RPTOR: variants seen among roughly 807,000 people sequenced by gnomAD.
The protein encoded by RPTOR is regulatory associated protein of MTOR complex 1.
In RPTOR, 21 loss-of-function variants were observed where a neutral mutation model predicts 169.9. The observed-to-expected ratio is 0.12, with a 90% CI of 0.09 to 0.18. The LOEUF is 0.18. RPTOR is among the 10% of genes least tolerant of loss of function. RPTOR has a pLI of 1.00. For synonymous variants in RPTOR, 732 were observed against 753.2 expected (o/e 0.97, Z 0.46); for missense variants, 1,133 against 1,855.9 (o/e 0.61, Z 7.16).
chr17:80,964,158 C>A (rs1238236008), intron 33 of RPTOR, 104 bp from the exon 34 acceptor site: 5 of 1,011,706 alleles, frequency 4.9e-6, no homozygotes, highest in African/African-American at 1.6e-5. Flanking sequence ...TTCCTGAGAC[C>A]CCGGCAGGAG....
intron 3 of RPTOR, among the ~76,000 whole-genome samples, chr17:80,669,509 C>T (rs939599737): frequency 1.3e-5 from 2 of 152,208 alleles, no homozygotes; most frequent in Non-Finnish European, 2.9e-5. Flanking sequence ...CTCAGCCTCC[C>T]GGGTAGCTGG....
At chr17:80,958,615 G>A (rs61683736) in intron 29 of RPTOR, among the ~76,000 whole-genome samples, 5,445 of 151,442 alleles carry the variant, frequency 0.036, 319 homozygotes, top group African/African-American at 0.12. Context: ...GGCGTTTCAC[G>A]TGTTAGCCAG....
chr17:80,795,951 C>T (rs1243671921), intron 7 of RPTOR, among the ~76,000 whole-genome samples: 1 of 152,230 alleles, frequency 6.6e-6, no homozygotes, highest in African/African-American at 2.4e-5. Flanking sequence ...TCCTGTAGTT[C>T]TGTAAGCGTC....
intron 4 of RPTOR, among the ~76,000 whole-genome samples, chr17:80,709,776 C>T (rs1398986043): frequency 6.6e-6 from 1 of 152,160 alleles, no homozygotes; most frequent in Non-Finnish European, 1.5e-5. Context: ...ATCGCGCACC[C>T]TGTGTCCGCC....
chr17:80,585,875 A>T (rs2065056348), intron 1 of RPTOR, among the ~76,000 whole-genome samples: 1 of 152,178 alleles, frequency 6.6e-6, no homozygotes, highest in Non-Finnish European at 1.5e-5. Flanking sequence ...AATTTGTAGT[A>T]TTTATGAAAA....
chr17:80,594,282 TG>T (rs1304967097), intron 1 of RPTOR, among the ~76,000 whole-genome samples: 1 of 151,828 alleles, frequency 6.6e-6, no homozygotes, highest in Non-Finnish European at 1.5e-5. Context: ...TGAGTAGAGA[TG>T]GGGTTTCACC....
chr17:80,775,871 A>T (rs7208971), intron 6 of RPTOR, among the ~76,000 whole-genome samples: 41,366 of 152,134 alleles, frequency 0.27, 5,786 homozygotes, highest in African/African-American at 0.33. Context: ...CTTGGAATTA[A>T]ATATATTTTG....
intron 6 of RPTOR, among the ~76,000 whole-genome samples, chr17:80,769,130 T>C (rs555157219): frequency 1.3e-5 from 2 of 151,956 alleles, no homozygotes; most frequent in East Asian, 3.9e-4. Context: ...CATGCCATCA[T>C]GTAGGCCTGT....
At chr17:80,929,319 A>T (rs975901751) in intron 24 of RPTOR, among the ~76,000 whole-genome samples, 2 of 152,260 alleles carry the variant, frequency 1.3e-5, no homozygotes, top group Non-Finnish European at 2.9e-5. Context: ...GGCCAGTTAC[A>T]CAGCAGGCTG....
At chr17:80,779,804 C>T (rs991250751) in intron 6 of RPTOR, among the ~76,000 whole-genome samples, 10 of 152,198 alleles carry the variant, frequency 6.6e-5, no homozygotes, top group African/African-American at 2.4e-4. Context: ...GTGTTTCAAG[C>T]ATGTTGAACA....
chr17:80,826,636 G>A (rs1482320136), intron 9 of RPTOR, among the ~76,000 whole-genome samples: 1 of 152,258 alleles, frequency 6.6e-6, no homozygotes, highest in Non-Finnish European at 1.5e-5. Flanking sequence ...CTGGTCCCTG[G>A]CACCCTTCTG....
rs1160340570 is a variant in RPTOR, at chr17:80,965,513, A to G, written c.*1183A>G. On this transcript the variant is annotated 3_prime_UTR_variant, in exon 34 of 34. Transcript: ENST00000306801. ...GTTTTGCAAACAGAACACAACCACA[A>G]TGATGGTATTTTGAAAAGTGTTCTT... 1.7e-5 allele frequency: 4 copies of G among 233,226 alleles called. No homozygotes were observed. The highest frequency in any genetic ancestry group is 4.4e-5 in the African/African-American group (2 of 45,358). 14.4% of individuals were successfully genotyped at this position (233,226 alleles called of 1,614,324 possible).
intron 1 of RPTOR, among the ~76,000 whole-genome samples, chr17:80,585,170 TTATTATTA>T (rs1304282766): frequency 0.042 from 9 of 212 alleles, no homozygotes; most frequent in Non-Finnish European, 0.071. Context: ...CTTTGGTTTA[TTATTATTA>T]TTATTATTAT....
At chr17:80,887,706 T>A (rs929565326) in intron 17 of RPTOR, among the ~76,000 whole-genome samples, 2 of 152,144 alleles carry the variant, frequency 1.3e-5, no homozygotes, top group African/African-American at 4.8e-5. Flanking sequence ...AAAAGCAACG[T>A]GTACTGGTTA....
At position 80,727,457 on chromosome 17, in the gene RPTOR, C is replaced by T. The variant is rs532607274; in HGVS notation, c.508-3103C>T. Among the ~76,000 whole-genome samples, 43 of 150,804 alleles carry T rather than the reference C, an allele frequency of 2.9e-4. No homozygotes were observed. In the East Asian group the frequency reaches 7.2e-3, roughly 25 times the overall value. On this transcript the variant is annotated intron_variant, in intron 4 of 33. Transcript: ENST00000306801. Reference sequence around the variant, plus strand: ...AACGTGAACACTGCACCTCTGACCACGTCACGCCCCGAGAACGTGGACGCT... The same window carrying T: ...AACGTGAACACTGCACCTCTGACCATGTCACGCCCCGAGAACGTGGACGCT...
chr17:80,574,827 A>ATTTTTTTT lies in RPTOR; in HGVS notation c.162+29046_162+29053dup, dbSNP rs555426915. On this transcript the variant is annotated intron_variant, in intron 1 of 33. Transcript: ENST00000306801. ...TGTGCCACCAAGCCCAGCTTATTTA[A>ATTTTTTTT]TTTTTTTTTTTTTTTTTGTAGAGAC... is the stretch of plus-strand genomic sequence containing the variant. 2.7e-4 allele frequency among the ~76,000 whole-genome samples: 33 copies of ATTTTTTTT among 121,412 alleles called. 2 individuals are homozygous for ATTTTTTTT. Among genetic ancestry groups the ATTTTTTTT allele is most frequent in the East Asian group, 2.0e-3 (8 of 3,970 alleles). The allele number at this position is 121,412 out of a possible 152,430, so 79.7% of individuals were successfully genotyped here. A position where few individuals can be genotyped will look rare whatever the true frequency, so the allele number is the denominator to read the frequency against.
chr17:80,791,067 C>T (rs572836848), intron 6 of RPTOR, among the ~76,000 whole-genome samples: 1 of 152,082 alleles, frequency 6.6e-6, no homozygotes, highest in Admixed American at 6.6e-5. Context: ...ATTTATTCTA[C>T]TCCAGCAGTC....
At chr17:80,563,089 C>T (rs112463058) in intron 1 of RPTOR, among the ~76,000 whole-genome samples, 41 of 152,264 alleles carry the variant, frequency 2.7e-4, no homozygotes, top group South Asian at 4.2e-4. Context: ...GGGTCAGACC[C>T]GCAGTTTGGC....
intron 7 of RPTOR, among the ~76,000 whole-genome samples, chr17:80,818,175 C>G (rs1289009659): frequency 6.6e-6 from 1 of 152,170 alleles, no homozygotes; most frequent in Non-Finnish European, 1.5e-5. Context: ...GTTGACTCAG[C>G]AGAGAAACAG....
Sources: allele counts gnomAD v4.1 joint callset (sites outside exome capture counted in the v4.1 genomes callset), GRCh38; gene constraint gnomAD v4.1.1; transcripts MANE v1.5; gene names NCBI Gene and HGNC (gene_info 2026-07-23, HGNC 2026-07-21).